Variants in ZNF268 observed in about 807,000 individuals in gnomAD.
ZNF268 encodes zinc finger protein 268.
A neutral mutation model predicts 29.3 loss-of-function variants in ZNF268; 20 were observed. The ratio of observed to expected loss-of-function variants is 0.68; its 90% confidence interval spans 0.48 to 0.99. The LOEUF (loss-of-function observed/expected upper bound fraction) is 0.99, where lower values mean the gene tolerates loss of function less well. Ranked by LOEUF, ZNF268 falls within the 50% of genes least tolerant of loss-of-function variation. The pLI, the probability that ZNF268 is intolerant of heterozygous loss-of-function variation, is 0.00. For synonymous variants in ZNF268, 429 were observed against 376.9 expected, an observed-to-expected ratio of 1.14 and a Z score of -1.60; for missense variants, 1,240 against 1,121.6, an observed-to-expected ratio of 1.11 and a Z score of -1.51.
Position 133,204,526 on chromosome 12 carries a change from A to G in ZNF268, c.2840A>G (p.His947Arg), listed in dbSNP as rs1310750108. The G allele has an allele frequency of 6.7e-7, 1 of 1,493,194 alleles. No homozygotes were observed. The highest frequency in any genetic ancestry group is 1.4e-5 in the African/African-American group (1 of 70,918). The allele number at this position is 1,493,194 out of a possible 1,614,324, so 92.5% of individuals were successfully genotyped here. A position where few individuals can be genotyped will look rare whatever the true frequency, so the allele number is the denominator to read the frequency against. ...MHQRTHVDDK[H>R] The stretch of plus-strand genomic sequence containing the variant: ...CAGAGAACTCATGTAGATGACAAAC[A>G]TTGATAATTTTACGAAACTCTGAAA... Residue 947 changes from histidine (H) to arginine (R), a missense_variant, in exon 6 of 6, where the codon CAT (histidine) becomes CGT (arginine). This residue lies in a region of ZNF268 where 1,177 missense variants were observed against 1,039.6 expected (regional missense o/e 1.13). Coordinates refer to ENST00000536435, the MANE Select transcript of ZNF268 (RefSeq NM_003415.3).
intron 2 of ZNF268, among the ~76,000 whole-genome samples, chr12:133,184,177 C>G (rs998390396): frequency 9.9e-5 from 15 of 152,060 alleles, no homozygotes; most frequent in African/African-American, 2.4e-5. Context: ...GCGATCTTGG[C>G]TCACTGCAAC....
At position 133,207,258 on chromosome 12, in the gene ZNF268, G is replaced by A. The variant is rs561516735; in HGVS notation, c.*2728G>A. 4 of 152,216 alleles carry A rather than the reference G, an allele frequency of 2.6e-5. No homozygotes were observed. In the South Asian group the frequency reaches 8.3e-4, roughly 32 times the overall value. The allele number at this position is 152,216 out of a possible 1,614,324, so 9.4% of individuals were successfully genotyped here. On this transcript the variant is annotated 3_prime_UTR_variant, in exon 6 of 6. Coordinates refer to ENST00000536435, the MANE Select transcript of ZNF268 (RefSeq NM_003415.3). Reference sequence around the variant, plus strand: ...TATTTTACAACTTCCCCATCAAATAGAAATTTAGGAGAAAAAATGACTTGC... The same window carrying A: ...TATTTTACAACTTCCCCATCAAATAAAAATTTAGGAGAAAAAATGACTTGC...
At chr12:133,187,551 C>T (rs566903302) in intron 2 of ZNF268, among the ~76,000 whole-genome samples, 1 of 152,252 alleles carries the variant, frequency 6.6e-6, no homozygotes, top group Admixed American at 6.5e-5. Flanking sequence ...CCCTACCAAA[C>T]CAGCCTATTA....
chr12:133,193,282 A>G (rs1387967207), intron 5 of ZNF268: 3 of 471,368 alleles, frequency 6.4e-6, no homozygotes, highest in East Asian at 6.7e-5. Flanking sequence ...GCAGTGAACT[A>G]TGGTTGTGCC....
chr12:133,189,871 G>T (rs893514001), intron 3 of ZNF268, among the ~76,000 whole-genome samples: 1 of 152,104 alleles, frequency 6.6e-6, no homozygotes, highest in African/African-American at 2.4e-5. Context: ...ACAGTGGCAC[G>T]ACCTCGGCTC....
chr12:133,199,679 G>T (rs1336158505), intron 5 of ZNF268, among the ~76,000 whole-genome samples: 1 of 151,990 alleles, frequency 6.6e-6, no homozygotes, highest in Admixed American at 6.6e-5. Flanking sequence ...ACTCTTTTTG[G>T]TTGGTAAGCT....
chr12:133,203,354 T>G lies in ZNF268; in HGVS notation c.1668T>G (p.Tyr556Ter). ...HQRIHTGENP[Y>*]ECHECGKAFS... ...GGATTCATACAGGAGAGAACCCCTA[T>G]GAATGCCATGAATGTGGGAAAGCCT... The change falls in exon 6 of 6, where the codon TAT becomes TAG. Residue 556 changes from tyrosine (Y) to a stop codon, truncating the protein, a stop_gained. Transcript: ENST00000536435. LOFTEE classifies it low-confidence loss of function (END_TRUNC). 6.5e-7 allele frequency: 1 copy of G among 1,548,038 alleles called. No individual in the cohort carries two copies. The highest frequency in any genetic ancestry group is 1.2e-5 in the South Asian group (1 of 84,594).
rs1956190226 is a variant in ZNF268, at chr12:133,182,049, T to C, written c.33+19T>C. 1.3e-6 allele frequency: 2 copies of C among 1,555,672 alleles called. No homozygotes were observed. The highest frequency in any genetic ancestry group is 2.7e-5 in the African/African-American group (2 of 73,322). ...TATTTGGGTGAGTAGGGGTTTTCTT[T>C]CATTCTTGAAAAGCTCTCCCTGAAT... is the stretch of plus-strand genomic sequence containing the variant. On this transcript the variant is annotated intron_variant, in intron 2 of 5. Transcript: ENST00000536435.
chr12:133,199,245 AG>A (rs990740977), intron 5 of ZNF268, among the ~76,000 whole-genome samples: 18 of 152,314 alleles, frequency 1.2e-4, no homozygotes, highest in African/African-American at 4.3e-4. Flanking sequence ...TTTAGCATGA[AG>A]GGTTGTTGAA....
intron 5 of ZNF268, 30 bp from the exon 6 acceptor site, chr12:133,202,114 T>C (rs200352728): frequency 1.3e-6 from 2 of 1,513,800 alleles, no homozygotes; most frequent in African/African-American, 1.4e-5. Context: ...ATGTGATTTA[T>C]AACATGTGAC....
intron 5 of ZNF268, among the ~76,000 whole-genome samples, chr12:133,195,877 C>G (rs1007501442): frequency 6.6e-6 from 1 of 151,850 alleles, no homozygotes; most frequent in Non-Finnish European, 1.5e-5. Flanking sequence ...GCTACCACAC[C>G]TGGCTAATTT....
chr12:133,183,125 A>C (rs995320620), intron 2 of ZNF268, among the ~76,000 whole-genome samples: 1 of 152,198 alleles, frequency 6.6e-6, no homozygotes, highest in Admixed American at 6.5e-5. Context: ...TGATGATCTG[A>C]AGTGGAACAG....
rs1957032445 is a variant in ZNF268 at position 133,214,755 on chromosome 12, T to C, written c.*10225T>C. The C allele has an allele frequency of 6.6e-6, 1 of 152,190 alleles. No homozygotes were observed. The highest frequency in any genetic ancestry group is 1.9e-4 in the East Asian group (1 of 5,198). 9.4% of individuals were successfully genotyped at this position (152,190 alleles called of 1,614,324 possible). A position where few individuals can be genotyped will look rare whatever the true frequency, so the allele number is the denominator to read the frequency against. Reference sequence around the variant, plus strand: ...CACAATGTTGTGCATGGACTAAATGTCACAGAAATGTACATTTTTAAAAGT... The same window carrying C: ...CACAATGTTGTGCATGGACTAAATGCCACAGAAATGTACATTTTTAAAAGT... On this transcript the variant is annotated 3_prime_UTR_variant, in exon 6 of 6. Coordinates refer to ENST00000536435, the MANE Select transcript of ZNF268 (RefSeq NM_003415.3).
Position 133,204,323 on chromosome 12 carries a change from C to G in ZNF268, c.2637C>G (p.Leu879=), listed in dbSNP as rs768155954. ...CGKAFIRNSQ[L]IVHQRTHSGE... Reference sequence around the variant, plus strand: ...AAGCCTTCATTAGGAATTCTCAACTCATTGTACATCAAAGAACTCATTCAG... The same window carrying G: ...AAGCCTTCATTAGGAATTCTCAACTGATTGTACATCAAAGAACTCATTCAG... Residue 879 remains leucine (L), a synonymous_variant, in exon 6 of 6, where the codon CTC becomes CTG. Transcript: ENST00000536435. The G allele has an allele frequency of 8.3e-6, 13 of 1,562,810 alleles. No homozygotes were observed. Among genetic ancestry groups the G allele is most frequent in the Middle Eastern group, 1.7e-4 (1 of 6,032 alleles).
rs896895088 is a variant in ZNF268 at position 133,191,693 on chromosome 12, A to T, written c.361+78A>T. 1.9e-6 allele frequency: 3 copies of T among 1,579,768 alleles called. No individual in the cohort carries two copies. In the East Asian group the frequency reaches 6.8e-5, roughly 36 times the overall value. On this transcript the variant is annotated intron_variant, in intron 4 of 5. Coordinates refer to ENST00000536435, the MANE Select transcript of ZNF268 (RefSeq NM_003415.3). ...GGTTGCTGAAAACTGGAGGGCTTCT[A>T]TGAAATACTTAGTGATTTTGGACTT...
chr12:133,196,501 G>A (rs1339244732), intron 5 of ZNF268, among the ~76,000 whole-genome samples: 4 of 152,078 alleles, frequency 2.6e-5, no homozygotes, highest in African/African-American at 9.7e-5. Context: ...CAGAGATACA[G>A]GAACCGAGCA....
At chr12:133,192,129 A>C in intron 5 of ZNF268, 126 bp downstream of exon 5, 2 of 670,300 alleles carry the variant, frequency 3.0e-6, no homozygotes, top group Non-Finnish European at 4.7e-6. Context: ...TTTTTTTGAG[A>C]CAGAGTTTCA....
intron 1 of ZNF268, 118 bp downstream of exon 1, chr12:133,181,804 G>A: frequency 1.6e-6 from 1 of 624,152 alleles, no homozygotes; most frequent in East Asian, 2.8e-5. Flanking sequence ...TGGTGAGGGT[G>A]TGGAGATGGT....
chr12:133,204,435 G>A lies in ZNF268; in HGVS notation c.2749G>A (p.Glu917Lys), dbSNP rs893920988. The part of the protein sequence containing the change: ...LSAHQRTHTG[E>K]KPCKCTECGK... ...TGCACATCAGAGAACACATACAGGA[G>A]AGAAGCCTTGTAAGTGCACTGAATG... The change falls in exon 6 of 6, where the codon GAG (glutamate) becomes AAG (lysine). Residue 917 changes from glutamate (E) to lysine (K), a missense_variant. Transcript: ENST00000536435. 24 of 1,564,302 alleles carry A rather than the reference G, an allele frequency of 1.5e-5. No individual in the cohort carries two copies. The highest frequency in any genetic ancestry group is 2.1e-5 in the Non-Finnish European group (24 of 1,160,408).
Sources: gnomAD v4.1 joint callset for allele counts (sites outside exome capture counted in the v4.1 genomes callset) on GRCh38, gnomAD v4.1.1 for gene constraint, gnomAD v4.1.1 regional missense constraint, MANE v1.5 for transcripts, NCBI Gene and HGNC (gene_info 2026-07-23, HGNC 2026-07-21) for gene names.